PRKG1: variants seen among roughly 807,000 people sequenced by gnomAD.
The protein encoded by PRKG1 is cGMP-dependent protein kinase 1.
PRKG1 carries 35 observed loss-of-function variants against 88.1 expected under a neutral mutation model. The observed-to-expected ratio is 0.40, with a 90% CI of 0.30 to 0.53. The LOEUF is 0.53. Among genes scored for constraint, PRKG1 ranks in the 20% least tolerant of loss-of-function variants. PRKG1 has a pLI of 0.59. For synonymous variants in PRKG1, 303 were observed against 292.5 expected, an observed-to-expected ratio of 1.04 and a Z score of -0.37; for missense variants, 540 against 839.8, an observed-to-expected ratio of 0.64 and a Z score of 4.41.
At chr10:51,038,659 A>G (rs1843382911) in intron 1 of PRKG1, among the ~76,000 whole-genome samples, 1 of 152,170 alleles carries the variant, frequency 6.6e-6, no homozygotes, top group Admixed American at 6.5e-5. Flanking sequence ...AAATGACTGG[A>G]TCTTGCTCTT....
intron 3 of PRKG1, among the ~76,000 whole-genome samples, chr10:51,627,277 G>A (rs1293172889): frequency 6.6e-6 from 1 of 152,044 alleles, no homozygotes; most frequent in African/African-American, 2.4e-5. Context: ...ACTAGGAATG[G>A]GATACATGGA....
At chr10:51,178,032 A>G (rs1286783376) in intron 2 of PRKG1, among the ~76,000 whole-genome samples, 1 of 152,192 alleles carries the variant, frequency 6.6e-6, no homozygotes, top group Non-Finnish European at 1.5e-5. Flanking sequence ...CATCATTGAG[A>G]TATAGTATCA....
At chr10:51,472,492 G>A (rs1840073595) in intron 3 of PRKG1, among the ~76,000 whole-genome samples, 2 of 151,694 alleles carry the variant, frequency 1.3e-5, no homozygotes, top group South Asian at 4.2e-4. Context: ...GCTTTTTATT[G>A]GTAAAGGAAC....
At chr10:51,937,707 T>C (rs747399406) in intron 5 of PRKG1, among the ~76,000 whole-genome samples, 8 of 152,024 alleles carry the variant, frequency 5.3e-5, no homozygotes, top group Admixed American at 3.3e-4. Context: ...CTAAGGATAG[T>C]CTCTACTCAG....
intron 3 of PRKG1, among the ~76,000 whole-genome samples, chr10:51,504,433 A>C (rs1841132866): frequency 1.3e-5 from 2 of 152,168 alleles, no homozygotes; most frequent in South Asian, 4.1e-4. Flanking sequence ...CTTTTGGCTT[A>C]GGGTTGACTT....
chr10:52,182,793 T>C (rs1839076308), intron 9 of PRKG1, among the ~76,000 whole-genome samples: 1 of 151,532 alleles, frequency 6.6e-6, no homozygotes, highest in African/African-American at 2.4e-5. Flanking sequence ...CATTGATCTA[T>C]ATCTCTGTTT....
chr10:51,763,570 A>G (rs1284640772), intron 3 of PRKG1, among the ~76,000 whole-genome samples: 1 of 150,818 alleles, frequency 6.6e-6, no homozygotes, highest in Non-Finnish European at 1.5e-5. Flanking sequence ...ATATTTTAAA[A>G]CGATGTAAAA....
chr10:51,003,510 G>T (rs1412374275), intron 1 of PRKG1, among the ~76,000 whole-genome samples: 3 of 152,172 alleles, frequency 2.0e-5, no homozygotes, highest in East Asian at 3.8e-4. Context: ...ATCCCCATTT[G>T]CCATGTTAAA....
intron 2 of PRKG1, among the ~76,000 whole-genome samples, chr10:51,356,671 C>A (rs1842372373): frequency 6.6e-6 from 1 of 151,948 alleles, no homozygotes. Flanking sequence ...TGACATTTCC[C>A]CCTACTTCAC....
At chr10:51,399,218 T>C (rs889902638) in intron 2 of PRKG1, among the ~76,000 whole-genome samples, 1 of 152,096 alleles carries the variant, frequency 6.6e-6, no homozygotes, top group Non-Finnish European at 1.5e-5. Flanking sequence ...ATGTTATATA[T>C]GTATAAGAGA....
intron 4 of PRKG1, among the ~76,000 whole-genome samples, chr10:51,837,019 T>A (rs1840149577): frequency 6.6e-6 from 1 of 152,206 alleles, no homozygotes; most frequent in South Asian, 2.1e-4. Context: ...TGACATGGAT[T>A]TTTGAATTTA....
At chr10:51,359,244 T>C (rs181692623) in intron 2 of PRKG1, among the ~76,000 whole-genome samples, 8 of 152,082 alleles carry the variant, frequency 5.3e-5, no homozygotes, top group African/African-American at 1.9e-4. Context: ...ATACATATTA[T>C]AATTATTTAA....
intron 2 of PRKG1, among the ~76,000 whole-genome samples, chr10:51,189,712 T>C (rs1837583459): frequency 6.6e-6 from 1 of 151,880 alleles, no homozygotes; most frequent in South Asian, 2.1e-4. Context: ...TACTAATATA[T>C]CTGGAATTAA....
intron 2 of PRKG1, among the ~76,000 whole-genome samples, chr10:51,404,481 G>A (rs1219535496): frequency 2.0e-5 from 3 of 152,164 alleles, no homozygotes; most frequent in Non-Finnish European, 4.4e-5. Context: ...GGCCTGAAGT[G>A]GAAATATCAA....
At chr10:51,570,183 A>T (rs977123278) in intron 3 of PRKG1, among the ~76,000 whole-genome samples, 2 of 151,178 alleles carry the variant, frequency 1.3e-5, no homozygotes, top group Non-Finnish European at 2.9e-5. Flanking sequence ...CAGGAGTTGG[A>T]TCTGTCCCCC....
At chr10:52,009,632 CA>C (rs1158180428) in intron 5 of PRKG1, among the ~76,000 whole-genome samples, 1 of 152,088 alleles carries the variant, frequency 6.6e-6, no homozygotes, top group Non-Finnish European at 1.5e-5. Flanking sequence ...CTATTTCTAT[CA>C]AACTACCAAT....
intron 2 of PRKG1, among the ~76,000 whole-genome samples, chr10:51,190,299 G>T (rs1837599495): frequency 6.6e-6 from 1 of 151,912 alleles, no homozygotes; most frequent in Non-Finnish European, 1.5e-5. Flanking sequence ...ACAGATGATG[G>T]ATTATGAAAA....
chr10:51,971,229 A>G (rs1843707889), intron 5 of PRKG1, among the ~76,000 whole-genome samples: 1 of 151,938 alleles, frequency 6.6e-6, no homozygotes, highest in Non-Finnish European at 1.5e-5. Flanking sequence ...CTATTTCTTA[A>G]CGTGGGTTGT....
At chr10:51,883,313 T>C (rs1216732693) in intron 4 of PRKG1, among the ~76,000 whole-genome samples, 2 of 152,356 alleles carry the variant, frequency 1.3e-5, no homozygotes, top group East Asian at 3.9e-4. Flanking sequence ...GTCTCCATAA[T>C]TGTATGAGCT....
Sources: allele counts gnomAD v4.1 joint callset (sites outside exome capture counted in the v4.1 genomes callset), GRCh38; gene constraint gnomAD v4.1.1; transcripts MANE v1.5; gene names NCBI Gene and HGNC (gene_info 2026-07-23, HGNC 2026-07-21).